Variants in OSBPL10 observed in about 807,000 individuals in gnomAD.
OSBPL10 encodes oxysterol binding protein like 10.
OSBPL10 carries 49 observed loss-of-function variants against 81.7 expected under a neutral mutation model. The ratio of observed to expected loss-of-function variants is 0.60; its 90% CI spans 0.48 to 0.76. The LOEUF (loss-of-function observed/expected upper bound fraction) is 0.76, where lower values mean the gene tolerates loss of function less well. Ranked by LOEUF, OSBPL10 falls within the 30% of genes least tolerant of loss-of-function variation. OSBPL10 has a pLI of 0.00. For synonymous variants in OSBPL10, 419 were observed against 383.6 expected (o/e 1.09, Z -1.08); for missense variants, 923 against 987.8 (o/e 0.93, Z 0.88).
chr3:31,663,922 C>T (rs1412636486), intron 11 of OSBPL10, 157 bp downstream of exon 11: 2 of 1,546,646 alleles, frequency 1.3e-6, no homozygotes, highest in Non-Finnish European at 8.7e-7. Flanking sequence ...GTCCTGAAGC[C>T]TTGTCCAAAG....
intron 4 of OSBPL10, among the ~76,000 whole-genome samples, chr3:31,809,794 A>C (rs555949316): frequency 1.3e-5 from 2 of 152,130 alleles, no homozygotes; most frequent in African/African-American, 4.8e-5. Flanking sequence ...TCAGTGGAGA[A>C]AAGATGGACT....
In OSBPL10 at chr3:31,670,889, G is replaced by A. The variant is rs551477862; in HGVS notation, c.1821C>T (p.Leu607=). The change falls in exon 9 of 12, where the codon CTC becomes CTT. Residue 607 remains leucine, a synonymous_variant. Transcript: ENST00000396556. ...RSILTIPWVE[L]GGKVSINCAK... ...CACAGTTGATGCTGACTTTTCCTCC[G>A]AGCTCCACCCACGGGATGGTGAGAA... 71 of 1,614,046 alleles carry A rather than the reference G, an allele frequency of 4.4e-5. 1 individual carries two copies. Among genetic ancestry groups the A allele is most frequent in the South Asian group, 4.0e-4 (36 of 91,064 alleles).
chr3:31,742,545 T>C (rs538619213), intron 5 of OSBPL10, among the ~76,000 whole-genome samples: 10 of 152,350 alleles, frequency 6.6e-5, no homozygotes, highest in East Asian at 1.9e-4. Flanking sequence ...CAAGGTGCCA[T>C]TGTCACTTGC....
At chr3:31,752,908 C>T (rs1697762204) in intron 4 of OSBPL10, among the ~76,000 whole-genome samples, 1 of 152,190 alleles carries the variant, frequency 6.6e-6, no homozygotes, top group African/African-American at 2.4e-5. Flanking sequence ...AACAAACATT[C>T]CTAATCCTAA....
chr3:31,662,810 G>A, intron 11 of OSBPL10: 1 of 985,412 alleles, frequency 1.0e-6, no homozygotes, highest in Non-Finnish European at 1.2e-6. Context: ...ACAGAAGCCA[G>A]ACAAACTAGC....
chr3:31,683,636 T>C lies in OSBPL10; in HGVS notation c.1724A>G (p.Glu575Gly). The C allele has an allele frequency of 1.9e-6, 3 of 1,606,432 alleles. No individual in the cohort carries two copies. The highest frequency in any genetic ancestry group is 2.2e-5 in the South Asian group (2 of 90,998). The change falls in exon 8 of 12, where the codon GAA (glutamate) becomes GGA (glycine). Residue 575 changes from glutamate to glycine, a missense_variant and splice_region_variant. Glu to Gly is a moderately conservative substitution (Grantham distance 98). Transcript: ENST00000396556. ...GMSVGVSMIGEGVLRLLEHGE... is the reference protein window; with the variant it reads ...GMSVGVSMIGGGVLRLLEHGE... The stretch of plus-strand genomic sequence containing the variant: ...CTCCAACATACGACATGGCTTACCT[T>C]CCCCTATCATAGAGACCCCCACGGA...
At position 31,997,427 on chromosome 3, in the gene OSBPL10, G is replaced by C. The variant is rs528513705; in HGVS notation, n.298+49064C>G. Reference sequence around the variant, plus strand: ...TTACAAGCACGAGCCACCACACCCAGCTAATTTTTCTATTTTTAGTAGAGA... The same window carrying C: ...TTACAAGCACGAGCCACCACACCCACCTAATTTTTCTATTTTTAGTAGAGA... On this transcript the variant is annotated intron_variant and non_coding_transcript_variant, in intron 2 of 3. Coordinates refer to the OSBPL10 transcript ENST00000479173. Among the ~76,000 whole-genome samples the C allele has an allele frequency of 1.6e-3, 242 of 151,850 alleles. 3 individuals carry two copies. The highest frequency in any genetic ancestry group is 5.6e-3 in the African/African-American group (231 of 41,406).
chr3:32,034,900 A>T (rs191050418), intron 2 of OSBPL10, among the ~76,000 whole-genome samples: 1 of 152,390 alleles, frequency 6.6e-6, no homozygotes, highest in Admixed American at 6.5e-5. Flanking sequence ...ATAAATATCA[A>T]GTATACAGCT....
At chr3:31,949,226 T>G (rs1435381218) in intron 1 of OSBPL10, among the ~76,000 whole-genome samples, 1 of 152,068 alleles carries the variant, frequency 6.6e-6, no homozygotes, top group Admixed American at 6.5e-5. Context: ...ATTGAACCAA[T>G]CAACTGAAAA....
intron 2 of OSBPL10, among the ~76,000 whole-genome samples, chr3:32,031,611 G>T (rs150578551): frequency 2.0e-5 from 3 of 151,904 alleles, no homozygotes; most frequent in Non-Finnish European, 4.4e-5. Context: ...ACAGGCATAC[G>T]CCCGGCTAAT....
In OSBPL10 at chr3:31,696,565, T is replaced by C. The variant is rs1316802741; in HGVS notation, c.1245+5794A>G. 3.3e-5 allele frequency among the ~76,000 whole-genome samples: 5 copies of C among 152,252 alleles called. No homozygotes were observed. The East Asian group carries it at 9.6e-4, about 29-fold the overall frequency. ...AATTCAACACAGTTGATCAATTCTT[T>C]CTTCTTGATACTCTCTCTTCACGTG... On this transcript the variant is annotated intron_variant, in intron 7 of 11. Coordinates refer to ENST00000396556, the MANE Select transcript of OSBPL10 (RefSeq NM_017784.5).
At chr3:31,918,491 T>A (rs1336014504) in intron 1 of OSBPL10, among the ~76,000 whole-genome samples, 5 of 148,032 alleles carry the variant, frequency 3.4e-5, no homozygotes, top group African/African-American at 1.2e-4. Context: ...AGAGCAGTTT[T>A]GTGTCTAAAG....
At chr3:32,034,096 C>T (rs563815167) in intron 2 of OSBPL10, among the ~76,000 whole-genome samples, 2 of 152,228 alleles carry the variant, frequency 1.3e-5, no homozygotes, top group South Asian at 4.1e-4. Flanking sequence ...GCTTATAAAA[C>T]CATCAGATCT....
intron 1 of OSBPL10, among the ~76,000 whole-genome samples, chr3:31,895,311 T>C (rs548198698): frequency 1.9e-4 from 29 of 151,498 alleles, no homozygotes; most frequent in African/African-American, 7.0e-4. Context: ...TTTTTTTTTG[T>C]ATTTTTAGTA....
intron 1 of OSBPL10, among the ~76,000 whole-genome samples, chr3:31,922,599 C>A (rs539790244): frequency 1.3e-5 from 2 of 151,770 alleles, no homozygotes; most frequent in South Asian, 4.2e-4. Context: ...GCCTGGGCAA[C>A]AAGAGCAAAA....
At chr3:32,004,564 C>G (rs948063676) in intron 2 of OSBPL10, among the ~76,000 whole-genome samples, 3 of 152,170 alleles carry the variant, frequency 2.0e-5, no homozygotes, top group Admixed American at 1.3e-4. Flanking sequence ...AATCTTGTTT[C>G]CAGGCATCAC....
intron 1 of OSBPL10, among the ~76,000 whole-genome samples, chr3:31,956,014 T>C (rs1463236896): frequency 6.6e-6 from 1 of 152,246 alleles, no homozygotes; most frequent in African/African-American, 2.4e-5. Context: ...ATGCTATAGA[T>C]GGGAATTGGT....
intron 1 of OSBPL10, among the ~76,000 whole-genome samples, chr3:31,898,951 CTTTTTTTTTT>C (rs201574850): frequency 1.1e-5 from 1 of 87,344 alleles, no homozygotes; most frequent in Non-Finnish European, 2.1e-5. Flanking sequence ...AACTTTAAAC[CTTTTTTTTTT>C]TTTTTTTTTT....
chr3:31,867,055 G>A (rs1253741285), intron 3 of OSBPL10, among the ~76,000 whole-genome samples: 1 of 152,138 alleles, frequency 6.6e-6, no homozygotes, highest in African/African-American at 2.4e-5. Context: ...TACCTAGCAA[G>A]GAAAATAAGC....
Sources: gnomAD v4.1 joint callset for allele counts (sites outside exome capture counted in the v4.1 genomes callset) on GRCh38, gnomAD v4.1.1 for gene constraint, MANE v1.5 for transcripts, NCBI Gene and HGNC (gene_info 2026-07-23, HGNC 2026-07-21) for gene names.